RTTN: variants seen among roughly 807,000 people sequenced by gnomAD.
The protein encoded by RTTN is rotatin.
Under a neutral mutation model 269.2 loss-of-function variants are expected in RTTN, and 182 were observed. The ratio of observed to expected loss-of-function variants is 0.68; its 90% CI spans 0.60 to 0.76. The LOEUF (loss-of-function observed/expected upper bound fraction) is 0.76, where lower values mean the gene tolerates loss of function less well. Ranked by LOEUF, RTTN falls within the 30% of genes least tolerant of loss-of-function variation. The pLI is 0.00. For synonymous variants in RTTN, 1,006 were observed against 963.5 expected (o/e 1.04, Z -0.82); for missense variants, 2,545 against 2,608.6 (o/e 0.98, Z 0.53).
At chr18:70,087,364 C>G (rs117026104) in intron 31 of RTTN, among the ~76,000 whole-genome samples, 2,780 of 152,108 alleles carry the variant, frequency 0.018, 37 homozygotes, top group Middle Eastern at 0.034. Context: ...AAGAAGCAGC[C>G]ATAAATATAA....
chr18:70,011,606 T>C (rs1213029734), intron 46 of RTTN, among the ~76,000 whole-genome samples: 1 of 152,190 alleles, frequency 6.6e-6, no homozygotes, highest in African/African-American at 2.4e-5. Context: ...ATAAGAGCTA[T>C]TTATGACAAA....
chr18:70,021,300 C>T (rs1408128977), intron 44 of RTTN: 1 of 152,420 alleles, frequency 6.6e-6, no homozygotes, highest in Non-Finnish European at 1.5e-5. Context: ...GGTCATACAG[C>T]TTAGCATAGC....
intron 28 of RTTN, among the ~76,000 whole-genome samples, chr18:70,101,170 C>T (rs907812789): frequency 6.6e-6 from 1 of 152,160 alleles, no homozygotes; most frequent in East Asian, 1.9e-4. Context: ...CCTCTTCGTA[C>T]CTCTGGTAGA....
chr18:70,058,202 T>C (rs2057872839), intron 36 of RTTN, among the ~76,000 whole-genome samples: 1 of 152,162 alleles, frequency 6.6e-6, no homozygotes, highest in African/African-American at 2.4e-5. Context: ...ACTGTTCATA[T>C]TTAGAAAGTA....
At chr18:70,025,254 TTC>T (rs770793366) in intron 43 of RTTN, among the ~76,000 whole-genome samples, 9 of 152,080 alleles carry the variant, frequency 5.9e-5, no homozygotes, top group Non-Finnish European at 1.2e-4. Flanking sequence ...CTCCCTCTCC[TTC>T]TCTCTCTCTG....
chr18:70,151,378 T>G (rs952418973), intron 14 of RTTN, among the ~76,000 whole-genome samples: 5 of 151,604 alleles, frequency 3.3e-5, no homozygotes, highest in African/African-American at 1.2e-4. Flanking sequence ...GAGAATAGTA[T>G]TTTGTTAGCA....
intron 2 of RTTN, among the ~76,000 whole-genome samples, chr18:70,204,526 T>C (rs1310035920): frequency 6.6e-5 from 10 of 152,122 alleles, no homozygotes; most frequent in Admixed American, 6.6e-4. Context: ...CCTACTCTTA[T>C]TTTTTTAATG....
chr18:70,106,447 G>A (rs1179894232), intron 28 of RTTN, among the ~76,000 whole-genome samples: 1 of 152,142 alleles, frequency 6.6e-6, no homozygotes, highest in African/African-American at 2.4e-5. Context: ...AACAGTATTA[G>A]GTAAGTATCC....
intron 11 of RTTN, among the ~76,000 whole-genome samples, chr18:70,170,555 G>A (rs61149046): frequency 0.028 from 4,293 of 152,198 alleles, 224 homozygotes; most frequent in African/African-American, 0.098. Context: ...GAAGAGGGAA[G>A]AGCAATTACA....
At chr18:70,161,716 A>T (rs1309165294) in intron 14 of RTTN, among the ~76,000 whole-genome samples, 1 of 152,258 alleles carries the variant, frequency 6.6e-6, no homozygotes, top group Admixed American at 6.5e-5. Context: ...AAAAGAAGAC[A>T]TACACACGGT....
At chr18:70,128,788 T>C in intron 23 of RTTN, 1 of 375,058 alleles carries the variant, frequency 2.7e-6, no homozygotes, top group Non-Finnish European at 4.9e-6. Flanking sequence ...TTCTATGCTA[T>C]ATTAGAGTTG....
intron 13 of RTTN, 178 bp from the exon 14 acceptor site, chr18:70,166,366 G>A (rs1272978108): frequency 7.9e-6 from 4 of 505,228 alleles, no homozygotes; most frequent in Non-Finnish European, 1.3e-5. Context: ...GGGCAGAGGA[G>A]GTTCTGTCTT....
chr18:70,117,107 A>G (rs2059620946), intron 26 of RTTN, among the ~76,000 whole-genome samples: 1 of 152,080 alleles, frequency 6.6e-6, no homozygotes, highest in African/African-American at 2.4e-5. Flanking sequence ...AAAGTTCCTA[A>G]ATCTTCCCTC....
At chr18:70,167,511 C>T (rs1453891843) in intron 12 of RTTN, among the ~76,000 whole-genome samples, 1 of 152,092 alleles carries the variant, frequency 6.6e-6, no homozygotes, top group Non-Finnish European at 1.5e-5. Context: ...CACTTGAGGT[C>T]AGGAGTTCAA....
intron 3 of RTTN, among the ~76,000 whole-genome samples, chr18:70,203,498 GTTCT>G (rs535100647): frequency 2.6e-5 from 4 of 152,124 alleles, no homozygotes; most frequent in Admixed American, 6.6e-5. Flanking sequence ...CCAGCCCGGT[GTTCT>G]TTCTTATTAT....
intron 40 of RTTN, among the ~76,000 whole-genome samples, chr18:70,037,246 G>A (rs1485702651): frequency 1.3e-5 from 2 of 152,210 alleles, no homozygotes; most frequent in African/African-American, 4.8e-5. Flanking sequence ...GCTGGGCTTA[G>A]AGCCACTGGA....
intron 8 of RTTN, 25 bp downstream of exon 8, chr18:70,193,262 TC>T: frequency 6.3e-7 from 1 of 1,578,944 alleles, no homozygotes. Context: ...ATTTCTCATT[TC>T]CCCAGAGACA....
intron 11 of RTTN, among the ~76,000 whole-genome samples, chr18:70,169,743 T>A (rs1283757702): frequency 6.6e-6 from 1 of 152,160 alleles, no homozygotes; most frequent in Non-Finnish European, 1.5e-5. Context: ...GAAAGAATTA[T>A]GGTTTTTAAA....
chr18:70,109,607 C>A lies in RTTN; in HGVS notation c.3794G>T (p.Arg1265Leu). 1 of 1,614,030 alleles carries A rather than the reference C, an allele frequency of 6.2e-7. No individual in the cohort carries two copies. The highest frequency in any genetic ancestry group is 1.1e-5 in the South Asian group (1 of 91,076). ...PHFYGLPSLE[R>L]TLRGMANLTA... ...GAGGTTAGCCATCCCTCGTAAGGTCCGCTCAAGGGACGGCAGGCCATAGAA... is the reference window on the plus strand; with the variant it reads ...GAGGTTAGCCATCCCTCGTAAGGTCAGCTCAAGGGACGGCAGGCCATAGAA... Residue 1265 changes from arginine (R) to leucine (L), a missense_variant, in exon 28 of 49, where the codon CGG becomes CTG. Transcript: ENST00000640769.
Sources: allele counts gnomAD v4.1 joint callset (sites outside exome capture counted in the v4.1 genomes callset), GRCh38; gene constraint gnomAD v4.1.1; transcripts MANE v1.5; gene names NCBI Gene and HGNC (gene_info 2026-07-23, HGNC 2026-07-21).